OCA2: variants seen among roughly 807,000 people sequenced by gnomAD.
The protein encoded by OCA2 is OCA2 melanosomal transmembrane protein.
OCA2 carries 77 observed loss-of-function variants against 100.2 expected under a neutral mutation model. That is an observed-to-expected ratio of 0.77 (90% CI 0.64 to 0.93). The LOEUF is 0.93. OCA2 is among the 40% of genes least tolerant of loss of function. The pLI is 0.00. For synonymous variants in OCA2, 432 were observed against 439.2 expected (o/e 0.98, Z 0.21); for missense variants, 1,062 against 1,089.1 (o/e 0.98, Z 0.35).
chr15:28,009,091 G>A (rs567577333), intron 9 of OCA2, among the ~76,000 whole-genome samples: 1 of 152,208 alleles, frequency 6.6e-6, no homozygotes, highest in Non-Finnish European at 1.5e-5. Context: ...GCTGGCGATT[G>A]CATCCAGCCC....
rs182449712 is a variant in OCA2, at chr15:27,919,162, A to G, written c.2079+6965T>C. On this transcript the variant is annotated intron_variant, in intron 19 of 23. Transcript: ENST00000354638. The stretch of plus-strand genomic sequence containing the variant: ...AGGTATTGGGTAGTAAAGACACACA[A>G]GAATAGTCCTGATCGATCCCATAAG... 5.0e-3 allele frequency among the ~76,000 whole-genome samples: 767 copies of G among 152,254 alleles called. 4 individuals carry two copies. The highest frequency in any genetic ancestry group is 0.01 in the Middle Eastern group (3 of 294).
At chr15:27,927,115 C>A (rs1595662716) in intron 18 of OCA2, among the ~76,000 whole-genome samples, 1 of 152,128 alleles carries the variant, frequency 6.6e-6, no homozygotes, top group Non-Finnish European at 1.5e-5. Context: ...CATGGAGAAA[C>A]CCCGTCTCTA....
chr15:28,036,813 T>C (rs74005202), intron 2 of OCA2, among the ~76,000 whole-genome samples: 15,071 of 152,160 alleles, frequency 0.099, 2,367 homozygotes, highest in African/African-American at 0.33. Context: ...AAATGACAGC[T>C]TGGGGAGGTG....
At chr15:27,844,312 A>G (rs2035453549) in intron 23 of OCA2, among the ~76,000 whole-genome samples, 1 of 152,128 alleles carries the variant, frequency 6.6e-6, no homozygotes, top group Non-Finnish European at 1.5e-5. Flanking sequence ...AGTCTGCAAC[A>G]TTACGGGGTC....
intron 19 of OCA2, among the ~76,000 whole-genome samples, chr15:27,884,025 G>C (rs138412281): frequency 1.5e-4 from 23 of 152,264 alleles, no homozygotes; most frequent in African/African-American, 5.3e-4. Flanking sequence ...GTCAGAGCAA[G>C]GTTAGAAAGA....
At chr15:28,035,141 C>T (rs2043012257) in intron 2 of OCA2, among the ~76,000 whole-genome samples, 1 of 152,190 alleles carries the variant, frequency 6.6e-6, no homozygotes, top group Admixed American at 6.5e-5. Context: ...TTTATCTTCT[C>T]TGTGGTGGCC....
intron 15 of OCA2, among the ~76,000 whole-genome samples, chr15:27,965,274 C>A (rs1004977296): frequency 6.6e-6 from 1 of 152,132 alleles, no homozygotes; most frequent in Non-Finnish European, 1.5e-5. Flanking sequence ...GAAAAAGAAA[C>A]CTATATATTA....
At chr15:28,084,923 C>T (rs58567513) in intron 1 of OCA2, among the ~76,000 whole-genome samples, 5,422 of 152,246 alleles carry the variant, frequency 0.036, 300 homozygotes, top group African/African-American at 0.12. Context: ...TAGGCTATTA[C>T]GTGTCAGGGG....
chr15:27,935,838 C>G (rs963486067), intron 18 of OCA2, among the ~76,000 whole-genome samples: 1 of 152,220 alleles, frequency 6.6e-6, no homozygotes, highest in African/African-American at 2.4e-5. Context: ...ATATACTGTA[C>G]AGTTCCTTGC....
intron 13 of OCA2, among the ~76,000 whole-genome samples, chr15:27,984,679 G>A (rs2041287054): frequency 1.3e-5 from 2 of 152,206 alleles, no homozygotes; most frequent in Non-Finnish European, 2.9e-5. Context: ...TCCTGCCTCA[G>A]CCTCCCCAGT....
intron 23 of OCA2, among the ~76,000 whole-genome samples, chr15:27,787,047 G>A (rs1390713428): frequency 2.0e-5 from 3 of 152,054 alleles, no homozygotes; most frequent in Admixed American, 2.0e-4. Flanking sequence ...AATTATGTGG[G>A]AGTTTTTTGC....
chr15:27,994,034 C>T (rs1260690859), intron 9 of OCA2, among the ~76,000 whole-genome samples: 1 of 152,042 alleles, frequency 6.6e-6, no homozygotes, highest in East Asian at 1.9e-4. Context: ...GTAAATGGAC[C>T]TAAAGAGTAA....
intron 14 of OCA2, among the ~76,000 whole-genome samples, chr15:27,980,187 G>T (rs901450107): frequency 4.6e-5 from 7 of 151,856 alleles, no homozygotes; most frequent in African/African-American, 1.7e-4. Flanking sequence ...GAGTGCAGTG[G>T]CACGATCTCG....
At chr15:28,062,950 T>C (rs905590836) in intron 2 of OCA2, among the ~76,000 whole-genome samples, 3 of 152,196 alleles carry the variant, frequency 2.0e-5, no homozygotes, top group African/African-American at 7.2e-5. Flanking sequence ...CAGTCTTAAA[T>C]TACTGTGGCT....
chr15:27,973,362 G>A (rs549561951), intron 14 of OCA2, among the ~76,000 whole-genome samples: 14 of 152,138 alleles, frequency 9.2e-5, no homozygotes, highest in African/African-American at 1.9e-4. Context: ...ATTGTATATC[G>A]TGAGAGATAG....
At chr15:27,735,553 A>G in the OCA2 span, among the ~76,000 whole-genome samples, 2 of 152,150 alleles carry the variant, frequency 1.3e-5, no homozygotes, top group African/African-American at 4.8e-5. Flanking sequence ...AGACAAACCC[A>G]GGACATATTA....
intron 23 of OCA2, among the ~76,000 whole-genome samples, chr15:27,831,308 C>T (rs568251158): frequency 3.0e-5 from 2 of 66,878 alleles, no homozygotes; most frequent in African/African-American, 9.6e-5. Context: ...AAAAAAAAAT[C>T]GGTCTGAGTC....
At chr15:27,933,394 C>A (rs2039329136) in intron 18 of OCA2, among the ~76,000 whole-genome samples, 1 of 148,010 alleles carries the variant, frequency 6.8e-6, no homozygotes, top group Non-Finnish European at 1.5e-5. Context: ...GAAATGGAGT[C>A]ATTGCTTAAT....
intron 19 of OCA2, among the ~76,000 whole-genome samples, chr15:27,885,031 AT>A (rs2037169532): frequency 6.6e-6 from 1 of 152,176 alleles, no homozygotes; most frequent in Non-Finnish European, 1.5e-5. Context: ...ACTCTTTTAC[AT>A]TATGTCATTT....
Sources: gnomAD v4.1 joint callset for allele counts (sites outside exome capture counted in the v4.1 genomes callset) on GRCh38, gnomAD v4.1.1 for gene constraint, MANE v1.5 for transcripts, NCBI Gene and HGNC (gene_info 2026-07-23, HGNC 2026-07-21) for gene names.